Variants in GK observed in about 807,000 individuals in gnomAD.
GK encodes glycerol kinase.
Under a neutral mutation model 56.4 loss-of-function variants are expected in GK, and 9 were observed. The observed-to-expected ratio is 0.16, with a 90% CI of 0.10 to 0.28. GK has a LOEUF of 0.28. GK is among the 10% of genes least tolerant of loss of function. The pLI, the probability that GK is intolerant of heterozygous loss-of-function variation, is 1.00. For synonymous variants in GK, 104 were observed against 144.1 expected (o/e 0.72, Z 1.99); for missense variants, 161 against 431.4 (o/e 0.37, Z 5.55).
chrX:30,719,309 T>A, intron 14 of GK, 110 bp from the exon 15 acceptor site: 1 of 517,528 alleles, frequency 1.9e-6, no homozygotes, highest in Non-Finnish European at 3.4e-6. Flanking sequence ...TACCAATGAA[T>A]TGGAAACCAA....
At chrX:30,689,033 T>C (rs1243902977) in intron 4 of GK, among the ~76,000 whole-genome samples, 1 of 112,267 alleles carries the variant, frequency 8.9e-6, no homozygotes, top group Non-Finnish European at 1.9e-5. Flanking sequence ...TCTTACCCAG[T>C]GCACTGAACT....
chrX:30,697,620 G>C, intron 8 of GK, 112 bp from the exon 9 acceptor site: 1 of 587,635 alleles, frequency 1.7e-6, no homozygotes, highest in Non-Finnish European at 3.0e-6. Context: ...AACGATGCTT[G>C]AGAAATAGTT....
At chrX:30,685,607 A>G (rs1487660014) in intron 4 of GK, among the ~76,000 whole-genome samples, 1 of 112,300 alleles carries the variant, frequency 8.9e-6, no homozygotes, top group East Asian at 2.8e-4. Context: ...ATACTGCTGT[A>G]TTTATTTTGC....
intron 13 of GK, among the ~76,000 whole-genome samples, chrX:30,716,708 AAATT>A (rs1184882706): frequency 8.9e-6 from 1 of 112,035 alleles, no homozygotes; most frequent in Non-Finnish European, 1.9e-5. Context: ...CTTTAAACCA[AAATT>A]TTACTTAGTT....
intron 12 of GK, 143 bp from the exon 13 acceptor site, chrX:30,707,911 C>T (rs756650920): frequency 1.9e-5 from 9 of 465,987 alleles, no homozygotes; most frequent in Non-Finnish European, 3.0e-5. Flanking sequence ...TAATTCTGAT[C>T]GTTTTGACTG....
intron 3 of GK, among the ~76,000 whole-genome samples, chrX:30,676,957 A>G (rs1933952486): frequency 8.9e-6 from 1 of 112,082 alleles, no homozygotes; most frequent in Non-Finnish European, 1.9e-5. Context: ...ACACACACAC[A>G]CACACAAATG....
rs752907501 is a variant in GK, at chrX:30,691,333, T to C, written c.414+134T>C. The C allele has an allele frequency of 5.9e-5, 26 of 439,036 alleles. No homozygotes were observed. The East Asian group carries it at 9.8e-4, about 17-fold the overall frequency. 36.2% of individuals were successfully genotyped at this position (439,036 alleles called of 1,213,427 possible). ...TTTATAGAATCTTTTTCCCGGATAA[T>C]TGAGGCCAACTCAAGTCTTTACCTT... On this transcript the variant is annotated intron_variant, in intron 5 of 20. Transcript: ENST00000427190.
chrX:30,700,594 C>A, intron 10 of GK, 145 bp downstream of exon 10: 1 of 525,243 alleles, frequency 1.9e-6, no homozygotes, highest in South Asian at 2.9e-5. Context: ...TCTTACATGT[C>A]ATACTGTGGG....
chrX:30,674,170 A>G (rs1601887146), intron 3 of GK: 1 of 282,829 alleles, frequency 3.5e-6, no homozygotes, highest in East Asian at 1.0e-4. Flanking sequence ...TCTCCATTTT[A>G]CAAGACACAA....
intron 1 of GK, among the ~76,000 whole-genome samples, chrX:30,656,062 C>A (rs765588019): frequency 8.9e-6 from 1 of 112,045 alleles, no homozygotes; most frequent in Non-Finnish European, 1.9e-5. Context: ...AATAAAAAAA[C>A]CGTAGAGATC....
At chrX:30,700,182 T>G (rs1316368572) in intron 9 of GK, 9 of 372,142 alleles carry the variant, frequency 2.4e-5, no homozygotes, top group Non-Finnish European at 3.7e-5. Context: ...CCTCATTTAC[T>G]GGCTCCCAGT....
chrX:30,712,566 TA>T (rs1936378890), intron 13 of GK, among the ~76,000 whole-genome samples: 1 of 110,329 alleles, frequency 9.1e-6, no homozygotes. Context: ...CTTTTTTTTT[TA>T]TTCTTAGTTT....
chrX:30,692,472 A>G (rs1934999266), intron 5 of GK, among the ~76,000 whole-genome samples: 1 of 111,001 alleles, frequency 9.0e-6, no homozygotes, highest in Admixed American at 9.6e-5. Flanking sequence ...ATTTCCATAA[A>G]ATATCTCCTT....
Position 30,660,844 on chromosome X carries a change from C to T in GK, c.79-4667C>T, listed in dbSNP as rs773224288. On this transcript the variant is annotated intron_variant, in intron 1 of 20. Transcript: ENST00000427190. ...TTTTTTTTTTTCCGAGACGGAGTCT[C>T]GCTCTGTTACCAGGCTGGAGTGCAG... Among the ~76,000 whole-genome samples, 252 of 94,754 alleles carry T rather than the reference C, an allele frequency of 2.7e-3. 1 individual carries two copies. The highest frequency in any genetic ancestry group is 9.7e-3 in the African/African-American group (242 of 25,020). 82.3% of individuals were successfully genotyped at this position (94,754 alleles called of 115,157 possible).
At chrX:30,701,937 C>A (rs1164873518) in intron 11 of GK, among the ~76,000 whole-genome samples, 1 of 112,370 alleles carries the variant, frequency 8.9e-6, no homozygotes, top group Admixed American at 9.4e-5. Context: ...CAAGGCCATG[C>A]CTTCTGAGTC....
Position 30,731,139 on chromosome X carries a change from T to C in GK, c.*2397T>C, listed in dbSNP as rs924950565. 4.5e-5 allele frequency: 5 copies of C among 112,099 alleles called. No individual in the cohort carries two copies. Among genetic ancestry groups the C allele is most frequent in the African/African-American group, 1.6e-4 (5 of 30,896 alleles). 9.2% of individuals were successfully genotyped at this position (112,099 alleles called of 1,213,427 possible). A position where few individuals can be genotyped will look rare whatever the true frequency, so the allele number is the denominator to read the frequency against. ...TCTTAGAATTTTTAGTATGTTTCTT[T>C]TGAAGTGCCCAAAGCCCAATTCTTT... On this transcript the variant is annotated 3_prime_UTR_variant, in exon 21 of 21. Coordinates refer to ENST00000427190, the MANE Select transcript of GK (RefSeq NM_001205019.2).
intron 1 of GK, among the ~76,000 whole-genome samples, chrX:30,661,497 C>T (rs1489266221): frequency 9.8e-6 from 1 of 102,193 alleles, no homozygotes; most frequent in African/African-American, 3.5e-5. Flanking sequence ...TTGCCTCCCT[C>T]TAATCCTTTC....
chrX:30,675,775 A>T (rs1267754139), intron 3 of GK, among the ~76,000 whole-genome samples: 1 of 109,238 alleles, frequency 9.2e-6, no homozygotes, highest in East Asian at 2.9e-4. Context: ...GACTAAAGGA[A>T]CACACCACCA....
At chrX:30,677,581 C>G (rs1933992538) in intron 4 of GK, 129 bp downstream of exon 4, 1 of 518,043 alleles carries the variant, frequency 1.9e-6, no homozygotes, top group Non-Finnish European at 3.5e-6. Context: ...AATCCCAGCA[C>G]TTCGGGAGAC....
Sources: gnomAD v4.1 joint callset for allele counts (sites outside exome capture counted in the v4.1 genomes callset) on GRCh38, gnomAD v4.1.1 for gene constraint, MANE v1.5 for transcripts, NCBI Gene and HGNC (gene_info 2026-07-23, HGNC 2026-07-21) for gene names.